The following PCDHA10 variants were observed in gnomAD, a reference collection of about 807,000 sequenced individuals.
The protein encoded by PCDHA10 is protocadherin alpha 10, also known as protocadherin alpha-10.
A neutral mutation model predicts 61.2 loss-of-function variants in PCDHA10; 45 were observed. The ratio of observed to expected loss-of-function variants is 0.74; its 90% CI spans 0.58 to 0.94. The LOEUF (loss-of-function observed/expected upper bound fraction) is 0.94. PCDHA10 is among the 40% of genes least tolerant of loss of function. The pLI, the probability that PCDHA10 is intolerant of heterozygous loss-of-function variation, is 0.00. For missense variants in PCDHA10, 1,278 were observed against 1,236.2 expected (o/e 1.03, Z -0.51); for synonymous variants, 602 against 548.8 (o/e 1.10, Z -1.35).
rs782009999 is a variant in PCDHA10, at chr5:140,928,473, C to G, written c.2389-50476C>G. 25 of 1,614,096 alleles carry G rather than the reference C, an allele frequency of 1.5e-5. No individual in the cohort carries two copies. The East Asian group carries it at 2.5e-4, about 16-fold the overall frequency. ...GGGGGTTTCATTTCCAAGTAGAAGGCCGGGATGGTGGCATTCCTCCCAGAA... is the reference window on the plus strand; with the variant it reads ...GGGGGTTTCATTTCCAAGTAGAAGGGCGGGATGGTGGCATTCCTCCCAGAA... On this transcript the variant is annotated intron_variant, in intron 1 of 3. Transcript: ENST00000307360.
chr5:140,905,957 G>A (rs993962295), intron 1 of PCDHA10, among the ~76,000 whole-genome samples: 1 of 152,200 alleles, frequency 6.6e-6, no homozygotes, highest in South Asian at 2.1e-4. Context: ...CGATGTTCAA[G>A]GGGAGGAAGA....
At chr5:140,975,978 A>T (rs964939685) in intron 1 of PCDHA10, among the ~76,000 whole-genome samples, 1 of 152,142 alleles carries the variant, frequency 6.6e-6, no homozygotes, top group African/African-American at 2.4e-5. Context: ...AAGTAAGCAT[A>T]GTCCTGGGAG....
intron 1 of PCDHA10, among the ~76,000 whole-genome samples, chr5:140,959,874 A>G (rs1360001985): frequency 1.3e-5 from 2 of 152,236 alleles, no homozygotes; most frequent in Non-Finnish European, 2.9e-5. Flanking sequence ...AAATCTGTCA[A>G]GGAATACACG....
At chr5:140,882,346 G>T (rs146510190) in intron 1 of PCDHA10, 36 of 1,614,194 alleles carry the variant, frequency 2.2e-5, no homozygotes, top group Non-Finnish European at 2.9e-5. Flanking sequence ...CCTGGGAGAC[G>T]GGTAGTGGCC....
chr5:140,955,505 C>T (rs1253768939), intron 1 of PCDHA10, among the ~76,000 whole-genome samples: 2 of 152,152 alleles, frequency 1.3e-5, no homozygotes, highest in African/African-American at 2.4e-5. Flanking sequence ...TGAAGAAAGA[C>T]GTGTTTGCTT....
intron 1 of PCDHA10, chr5:140,875,246 C>T: frequency 1.0e-6 from 1 of 955,372 alleles, no homozygotes; most frequent in Non-Finnish European, 1.5e-6. Context: ...CTTACATAAT[C>T]AGTCACATGA....
chr5:140,936,275 T>C (rs1423652397), intron 1 of PCDHA10, among the ~76,000 whole-genome samples: 1 of 152,216 alleles, frequency 6.6e-6, no homozygotes, highest in African/African-American at 2.4e-5. Context: ...TATATTCCTG[T>C]GTTTTCTTCT....
intron 1 of PCDHA10, among the ~76,000 whole-genome samples, chr5:140,890,607 T>A (rs2062708566): frequency 6.6e-6 from 1 of 152,184 alleles, no homozygotes; most frequent in Non-Finnish European, 1.5e-5. Context: ...GAATAGCTAG[T>A]GCTTACCCTA....
At chr5:140,902,989 T>G (rs1350698990) in intron 1 of PCDHA10, among the ~76,000 whole-genome samples, 1 of 152,238 alleles carries the variant, frequency 6.6e-6, no homozygotes, top group East Asian at 1.9e-4. Context: ...GGTTCCATAT[T>G]TTTGCAATTG....
At chr5:140,894,656 C>T (rs2064591261) in intron 1 of PCDHA10, among the ~76,000 whole-genome samples, 2 of 151,616 alleles carry the variant, frequency 1.3e-5, no homozygotes, top group Non-Finnish European at 2.9e-5. Flanking sequence ...CTCTCTAATT[C>T]TGATTTGTGT....
At chr5:140,864,428 A>G (rs1459039146) in intron 1 of PCDHA10, 2 of 152,138 alleles carry the variant, frequency 1.3e-5, no homozygotes, top group Non-Finnish European at 2.9e-5. Context: ...TCGTCCACAA[A>G]CAATTTTGTT....
At chr5:140,989,321 C>A (rs898791820) in intron 3 of PCDHA10, among the ~76,000 whole-genome samples, 6 of 152,178 alleles carry the variant, frequency 3.9e-5, no homozygotes, top group Non-Finnish European at 7.3e-5. Flanking sequence ...GTCTCACCAA[C>A]TTTGCCACCT....
rs549444106 is a variant in PCDHA10 at position 140,953,999 on chromosome 5, T to C, written c.2389-24950T>C. Among the ~76,000 whole-genome samples the C allele has an allele frequency of 1.1e-4, 16 of 152,294 alleles. No homozygotes were observed. In the South Asian group the frequency reaches 3.3e-3, roughly 32 times the overall value. ...CCCTTCATATTTTCATGTGTACTCA[T>C]CATTCAGCTCCCACACATAGTGGGA... is the stretch of plus-strand genomic sequence containing the variant. On this transcript the variant is annotated intron_variant, in intron 1 of 3. Transcript: ENST00000307360.
intron 1 of PCDHA10, chr5:140,967,190 AACG>A (rs781897780): frequency 6.2e-7 from 1 of 1,613,418 alleles, no homozygotes; most frequent in Non-Finnish European, 8.5e-7. Context: ...ATTGGACATC[AACG>A]ACAACTCACC....
At chr5:140,936,972 T>C (rs2091238144) in intron 1 of PCDHA10, among the ~76,000 whole-genome samples, 2 of 152,314 alleles carry the variant, frequency 1.3e-5, no homozygotes, top group South Asian at 4.1e-4. Context: ...TATAAAAATA[T>C]GAAGCTTGTT....
intron 3 of PCDHA10, among the ~76,000 whole-genome samples, chr5:140,991,204 A>C (rs1416431011): frequency 6.6e-6 from 1 of 152,198 alleles, no homozygotes; most frequent in East Asian, 1.9e-4. Flanking sequence ...ATGCTCAATA[A>C]ATTTTGTTAA....
At chr5:140,873,395 C>T (rs1376459228) in intron 1 of PCDHA10, among the ~76,000 whole-genome samples, 1 of 152,094 alleles carries the variant, frequency 6.6e-6, no homozygotes, top group African/African-American at 2.4e-5. Context: ...GGAATGTTTT[C>T]AGTACAGGTT....
chr5:140,912,318 C>T (rs1554195270), intron 1 of PCDHA10, among the ~76,000 whole-genome samples: 2 of 151,536 alleles, frequency 1.3e-5, no homozygotes, highest in East Asian at 1.9e-4. Context: ...CAAGTTGACC[C>T]TCAGTATTAA....
chr5:140,870,528 A>T, intron 1 of PCDHA10: 11 of 1,614,214 alleles, frequency 6.8e-6, no homozygotes, highest in Non-Finnish European at 7.6e-6. Context: ...ACATCTTCAC[A>T]GTGTCGGCGC....
Sources: allele counts gnomAD v4.1 joint callset (sites outside exome capture counted in the v4.1 genomes callset), GRCh38; gene constraint gnomAD v4.1.1; transcripts MANE v1.5; gene names NCBI Gene and HGNC (gene_info 2026-07-23, HGNC 2026-07-21).